KPNA7: variants seen among roughly 807,000 people sequenced by gnomAD.
The protein encoded by KPNA7 is karyopherin subunit alpha 7.
KPNA7 carries 54 observed loss-of-function variants against 53.7 expected under a neutral mutation model. The observed-to-expected ratio is 1.01, with a 90% CI of 0.81 to 1.26. KPNA7 has a LOEUF of 1.26. KPNA7 is among the 50% of genes most tolerant of loss of function. The probability of loss-of-function intolerance (pLI) is 0.00; values close to 1 mark genes in which losing one functional copy is unlikely to be tolerated. For missense variants in KPNA7, 640 were observed against 644.5 expected (o/e 0.99, Z 0.07); for synonymous variants, 276 against 259.3 (o/e 1.06, Z -0.62).
the KPNA7 span, among the ~76,000 whole-genome samples, chr7:99,145,910 C>T: frequency 3.3e-5 from 5 of 152,272 alleles, no homozygotes; most frequent in East Asian, 3.9e-4. Flanking sequence ...TGGCACCTTG[C>T]GGCTCTTTCA....
upstream of KPNA7, among the ~76,000 whole-genome samples, chr7:99,210,867 T>C (rs1791050929): frequency 6.6e-6 from 1 of 151,984 alleles, no homozygotes; most frequent in Admixed American, 6.6e-5. Flanking sequence ...ATTAGAGGCA[T>C]GAGCCACTGC....
intron 10 of KPNA7, among the ~76,000 whole-genome samples, 165 bp downstream of exon 10, chr7:99,177,755 G>A (rs1044593726): frequency 3.3e-5 from 5 of 151,836 alleles, no homozygotes; most frequent in Non-Finnish European, 7.4e-5. Context: ...ACCCGATACA[G>A]CAGGGATAGG....
chr7:99,207,263 G>A, intron 2 of KPNA7, 138 bp downstream of exon 2: 2 of 705,464 alleles, frequency 2.8e-6, no homozygotes, highest in Non-Finnish European at 2.5e-6. Flanking sequence ...TTAACCTCCT[G>A]ACCTTGTGAT....
rs1279315444 is a variant in KPNA7 at position 99,180,643 on chromosome 7, GTC to G, written c.1317+1238_1317+1239del. On this transcript the variant is annotated intron_variant, in intron 9 of 10. Transcript: ENST00000327442. ...TCTCTCTCTCCCCGTCTCTCTCTCC[GTC>G]TCTGTCTCTCTCTCCCCATCTGTGT... 2.2e-4 allele frequency among the ~76,000 whole-genome samples: 24 copies of G among 108,808 alleles called. 1 individual carries two copies. Among genetic ancestry groups the G allele is most frequent in the Non-Finnish European group, 2.9e-4 (15 of 51,908 alleles). 71.4% of individuals were successfully genotyped at this position (108,808 alleles called of 152,430 possible). A position where few individuals can be genotyped will look rare whatever the true frequency, so the allele number is the denominator to read the frequency against.
chr7:99,213,512 TA>T (rs1791130608), intron 1 of KPNA7, among the ~76,000 whole-genome samples: 2 of 143,572 alleles, frequency 1.4e-5, no homozygotes. Context: ...GGAGCAATCA[TA>T]ACTCACTGCA....
rs1255470214 is a variant in KPNA7 at position 99,216,290 on chromosome 7, A to G, written c.-23-8801T>C. On this transcript the variant is annotated intron_variant, in intron 1 of 10. Transcript: ENST00000681060. ...GTGATCCTCCCACTTCAGCCTCCCA[A>G]AGTGCTTGGATTACAGATATGAGCC... Among the ~76,000 whole-genome samples, 4 of 152,042 alleles carry G rather than the reference A, an allele frequency of 2.6e-5. No homozygotes were observed. The South Asian group carries it at 6.2e-4, about 24-fold the overall frequency.
chr7:99,185,606 C>CA (rs1195832731), intron 7 of KPNA7, among the ~76,000 whole-genome samples: 5 of 151,692 alleles, frequency 3.3e-5, no homozygotes, highest in Non-Finnish European at 7.4e-5. Context: ...GCTGGGATTA[C>CA]AATCATGAGC....
intron 7 of KPNA7, among the ~76,000 whole-genome samples, chr7:99,185,671 C>T (rs1280811809): frequency 6.6e-6 from 1 of 152,144 alleles, no homozygotes; most frequent in Non-Finnish European, 1.5e-5. Flanking sequence ...TTTCTGGCTT[C>T]CCACTTGTTT....
At position 99,195,849 on chromosome 7, in the gene KPNA7, G is replaced by A. The variant is rs985881812; in HGVS notation, c.284+235C>T. On this transcript the variant is annotated intron_variant, in intron 4 of 10. Transcript: ENST00000327442. ...GTGTTATCTACAAGATGAAATTTCTGTAGAGGCCAATGTAAATTAAGCAAT... is the reference window on the plus strand; with the variant it reads ...GTGTTATCTACAAGATGAAATTTCTATAGAGGCCAATGTAAATTAAGCAAT... Among the ~76,000 whole-genome samples, 6 of 152,306 alleles carry A rather than the reference G, an allele frequency of 3.9e-5. No homozygotes were observed. The South Asian group carries it at 8.3e-4, about 21-fold the overall frequency.
chr7:99,168,513 ATTTTTTC>A, the KPNA7 span, among the ~76,000 whole-genome samples: 5 of 150,926 alleles, frequency 3.3e-5, no homozygotes, highest in Admixed American at 1.3e-4. Flanking sequence ...TTGTTTCCTT[ATTTTTTC>A]TTTTTTAAGA....
chr7:99,196,300 T>C (rs1790227863), intron 3 of KPNA7, 134 bp from the exon 4 acceptor site: 1 of 642,564 alleles, frequency 1.6e-6, no homozygotes, highest in Admixed American at 2.4e-5. Context: ...CTGTTCTATA[T>C]TTGGGGAGGG....
downstream of KPNA7, among the ~76,000 whole-genome samples, chr7:99,172,880 T>C (rs546776379): frequency 1.2e-4 from 18 of 151,926 alleles, no homozygotes; most frequent in Non-Finnish European, 1.2e-4. Flanking sequence ...CTGGTCAACA[T>C]GGTGAAACCC....
the KPNA7 span, among the ~76,000 whole-genome samples, chr7:99,149,279 GACAATA>G: frequency 7.9e-5 from 12 of 152,068 alleles, no homozygotes; most frequent in Non-Finnish European, 1.6e-4. Context: ...CAGGATCCAG[GACAATA>G]ACAACCCTTT....
intron 3 of KPNA7, 76 bp downstream of exon 3, chr7:99,203,030 A>G: frequency 6.7e-7 from 1 of 1,497,098 alleles, no homozygotes; most frequent in Non-Finnish European, 9.1e-7. Flanking sequence ...TTCTGAATCT[A>G]TTAAATATTA....
At chr7:99,202,737 CTG>C (rs912467622) in intron 3 of KPNA7, among the ~76,000 whole-genome samples, 12 of 152,206 alleles carry the variant, frequency 7.9e-5, no homozygotes, top group African/African-American at 2.2e-4. Context: ...CCCACATACT[CTG>C]GAAGCTGAGG....
intron 5 of KPNA7, among the ~76,000 whole-genome samples, chr7:99,194,738 G>A (rs971987269): frequency 6.6e-6 from 1 of 152,180 alleles, no homozygotes; most frequent in African/African-American, 2.4e-5. Context: ...CGAGTAGCTG[G>A]GACTACAGGG....
intron 10 of KPNA7, among the ~76,000 whole-genome samples, chr7:99,174,407 C>T (rs981232390): frequency 6.6e-6 from 1 of 152,126 alleles, no homozygotes; most frequent in African/African-American, 2.4e-5. Context: ...ATAAAGTGCA[C>T]AATAAATGTA....
At chr7:99,151,648 G>A in the KPNA7 span, among the ~76,000 whole-genome samples, 1 of 151,618 alleles carries the variant, frequency 6.6e-6, no homozygotes, top group Non-Finnish European at 1.5e-5. Context: ...CTAGAGACAG[G>A]TTCTCCCTAT....
upstream of KPNA7, among the ~76,000 whole-genome samples, chr7:99,209,943 C>T (rs147018283): frequency 4.5e-3 from 682 of 151,122 alleles, 7 homozygotes; most frequent in African/African-American, 0.016. Context: ...GAAGTCAAGG[C>T]TGCAGTGAGC....
Sources: allele counts gnomAD v4.1 joint callset (sites outside exome capture counted in the v4.1 genomes callset), GRCh38; gene constraint gnomAD v4.1.1; transcripts MANE v1.5; gene names NCBI Gene and HGNC (gene_info 2026-07-23, HGNC 2026-07-21).